Variants in TUB observed in about 807,000 individuals in gnomAD.
TUB encodes tubby protein homolog.
Under a neutral mutation model 59.7 loss-of-function variants are expected in TUB, and 33 were observed. That is an observed-to-expected ratio of 0.55 (90% CI 0.42 to 0.74). The LOEUF is 0.74. Ranked by LOEUF, TUB falls within the 30% of genes least tolerant of loss-of-function variation. The pLI is 0.00. For missense variants in TUB, 659 were observed against 672.0 expected, an observed-to-expected ratio of 0.98 and a Z score of 0.21; for synonymous variants, 293 against 256.4, an observed-to-expected ratio of 1.14 and a Z score of -1.36.
intron 3 of TUB, among the ~76,000 whole-genome samples, chr11:8,093,555 T>A (rs1943854342): frequency 6.6e-6 from 1 of 152,088 alleles, no homozygotes; most frequent in African/African-American, 2.4e-5. Context: ...GTCCCAGAGT[T>A]GTTGTTCTGA....
At chr11:8,058,351 C>CG (rs1311647267) in intron 2 of TUB, among the ~76,000 whole-genome samples, 32 of 152,086 alleles carry the variant, frequency 2.1e-4, no homozygotes, top group Admixed American at 4.6e-4. Context: ...GTTGTGTCTG[C>CG]GGGGTGGAAC....
At chr11:8,069,153 A>C (rs911338248) in intron 2 of TUB, 1 of 152,210 alleles carries the variant, frequency 6.6e-6, no homozygotes, top group Non-Finnish European at 1.5e-5. Context: ...TGTGGTTGGA[A>C]TTCAGACCCC....
At chr11:8,045,725 C>A (rs997029496) in intron 2 of TUB, among the ~76,000 whole-genome samples, 1 of 152,206 alleles carries the variant, frequency 6.6e-6, no homozygotes, top group Non-Finnish European at 1.5e-5. Flanking sequence ...AAGGGATATT[C>A]ATCCTATACT....
chr11:8,053,343 G>A (rs1000549748), intron 2 of TUB, among the ~76,000 whole-genome samples: 1 of 152,124 alleles, frequency 6.6e-6, no homozygotes, highest in African/African-American at 2.4e-5. Flanking sequence ...AGGCTATTAA[G>A]TATTGGAGTT....
At chr11:8,067,558 C>T (rs1471667444) in intron 2 of TUB, 1 of 152,170 alleles carries the variant, frequency 6.6e-6, no homozygotes, top group Non-Finnish European at 1.5e-5. Flanking sequence ...AGGAAAAATT[C>T]TCCTCATGTA....
intron 1 of TUB, among the ~76,000 whole-genome samples, chr11:8,031,578 C>T (rs907560104): frequency 3.3e-5 from 5 of 152,224 alleles, no homozygotes; most frequent in African/African-American, 4.8e-5. Flanking sequence ...CTCGGTCTGC[C>T]GTGAGGTGAG....
upstream of TUB, among the ~76,000 whole-genome samples, chr11:8,081,102 AG>A (rs1197174141): frequency 4.6e-5 from 2 of 43,160 alleles, no homozygotes; most frequent in Non-Finnish European, 8.4e-5. Flanking sequence ...ATTTCGGGGG[AG>A]GGGGCAAGGG....
At chr11:8,028,037 C>T (rs543880812) in intron 1 of TUB, among the ~76,000 whole-genome samples, 1 of 152,318 alleles carries the variant, frequency 6.6e-6, no homozygotes, top group South Asian at 2.1e-4. Context: ...ACAAAGACTG[C>T]ACCATTTTAC....
rs1276507263 is a variant in TUB at position 8,100,620 on chromosome 11, C to T, written c.1215+19C>T. The T allele has an allele frequency of 3.7e-6, 6 of 1,607,838 alleles. No homozygotes were observed. Among genetic ancestry groups the T allele is most frequent in the Admixed American group, 3.3e-5 (2 of 59,926 alleles). On this transcript the variant is annotated intron_variant, in intron 10 of 11. Coordinates refer to ENST00000299506, the MANE Select transcript of TUB (RefSeq NM_177972.3). ...CCGCAACGTGAGTGTCTACCCCTTC[C>T]TCCCCTCTTTCCCCATCATCCTAGT...
chr11:8,101,861 G>A lies in TUB; in HGVS notation c.*242G>A, dbSNP rs569760785. 764 of 568,656 alleles carry A rather than the reference G, an allele frequency of 1.3e-3. 2 individuals are homozygous for A. Among genetic ancestry groups the A allele is most frequent in the Admixed American group, 1.5e-3 (47 of 30,828 alleles). The allele number at this position is 568,656 out of a possible 1,614,324, so 35.2% of individuals were successfully genotyped here. On this transcript the variant is annotated 3_prime_UTR_variant, in exon 12 of 12. Transcript: ENST00000299506. ...ATGAGAATAATTCTTTCCATGCCAC[G>A]AGATCAACACACACTCCCACCCTTG...
intron 1 of TUB, among the ~76,000 whole-genome samples, chr11:8,026,780 C>T (rs1055312610): frequency 2.6e-5 from 4 of 152,126 alleles, no homozygotes; most frequent in Non-Finnish European, 4.4e-5. Context: ...AAGTTCTAAC[C>T]CCCATCCCCC....
chr11:8,081,939 T>C (rs1461447511), intron 1 of TUB, among the ~76,000 whole-genome samples: 1 of 152,220 alleles, frequency 6.6e-6, no homozygotes, highest in Non-Finnish European at 1.5e-5. Context: ...CGTCCCTGCC[T>C]TGGGCCAAAG....
At chr11:8,055,639 G>A (rs556782026) in intron 2 of TUB, among the ~76,000 whole-genome samples, 1 of 152,388 alleles carries the variant, frequency 6.6e-6, no homozygotes, top group South Asian at 2.1e-4. Flanking sequence ...CTGCTGATGG[G>A]CTGGGGGTGG....
chr11:8,084,719 G>A lies in TUB; in HGVS notation c.38+3171G>A, dbSNP rs141196033. 6.9e-4 allele frequency among the ~76,000 whole-genome samples: 105 copies of A among 152,260 alleles called. No individual in the cohort carries two copies. In the East Asian group the frequency reaches 0.016, roughly 23 times the overall value. Reference sequence around the variant, plus strand: ...CTTCTTTGAATCAAAGTGGCATCCCGGGATAGCCTCTAGGGCTTCCTTGGC... The same window carrying A: ...CTTCTTTGAATCAAAGTGGCATCCCAGGATAGCCTCTAGGGCTTCCTTGGC... On this transcript the variant is annotated intron_variant, in intron 1 of 11. Transcript: ENST00000299506.
At chr11:8,046,569 C>T (rs1227823576) in intron 2 of TUB, among the ~76,000 whole-genome samples, 2 of 152,198 alleles carry the variant, frequency 1.3e-5, no homozygotes, top group Admixed American at 6.5e-5. Context: ...AAAATCCTTT[C>T]AATTTCATAT....
At chr11:8,026,399 T>G (rs1942500788) in intron 1 of TUB, among the ~76,000 whole-genome samples, 1 of 152,170 alleles carries the variant, frequency 6.6e-6, no homozygotes, top group Non-Finnish European at 1.5e-5. Context: ...TCTAGGAATT[T>G]TCTAATTTTA....
chr11:8,056,549 A>T (rs1471102053), intron 2 of TUB, among the ~76,000 whole-genome samples: 1 of 151,620 alleles, frequency 6.6e-6, no homozygotes, highest in Non-Finnish European at 1.5e-5. Flanking sequence ...GCCTGGGGGG[A>T]GGGAAAAGGT....
At chr11:8,057,330 T>G (rs1049650697) in intron 2 of TUB, among the ~76,000 whole-genome samples, 5 of 152,166 alleles carry the variant, frequency 3.3e-5, no homozygotes, top group Admixed American at 3.3e-4. Flanking sequence ...CTGCTTATTC[T>G]CAAGGCCCAG....
chr11:8,054,302 TATTA>T (rs1173197196), intron 2 of TUB, among the ~76,000 whole-genome samples: 1 of 152,216 alleles, frequency 6.6e-6, no homozygotes, highest in Non-Finnish European at 1.5e-5. Flanking sequence ...ATTTTTAATT[TATTA>T]GTCTAGAAAT....
Sources: allele counts gnomAD v4.1 joint callset (sites outside exome capture counted in the v4.1 genomes callset), GRCh38; gene constraint gnomAD v4.1.1; transcripts MANE v1.5; gene names NCBI Gene and HGNC (gene_info 2026-07-23, HGNC 2026-07-21).